AVPR1B: variants seen among roughly 807,000 people sequenced by gnomAD.
The protein encoded by AVPR1B is vasopressin V1b receptor.
A neutral mutation model predicts 27.5 loss-of-function variants in AVPR1B; 25 were observed. That is an observed-to-expected ratio of 0.91 (90% CI 0.66 to 1.27). The LOEUF (loss-of-function observed/expected upper bound fraction) is 1.27. Among genes scored for constraint, AVPR1B ranks in the 50% most tolerant of loss-of-function variants. The probability of loss-of-function intolerance (pLI) is 0.00; values close to 1 mark genes in which losing one functional copy is unlikely to be tolerated. For synonymous variants in AVPR1B, 248 were observed against 240.2 expected (o/e 1.03, Z -0.30); for missense variants, 595 against 556.9 (o/e 1.07, Z -0.69).
Position 206,116,660 on chromosome 1 carries a change from G to A in AVPR1B, c.231C>T (p.Ala77=), listed in dbSNP as rs1320844595. 1.2e-6 allele frequency: 2 copies of A among 1,611,864 alleles called. No homozygotes were observed. Among genetic ancestry groups the A allele is most frequent in the Non-Finnish European group, 1.7e-6 (2 of 1,178,900 alleles). ...AGAGCGCCACGGCCAGGTCTGTCAGGGCTAAGTGCAGCACGAACAGGTGCA... is the reference window on the plus strand; with the variant it reads ...AGAGCGCCACGGCCAGGTCTGTCAGAGCTAAGTGCAGCACGAACAGGTGCA... The part of the protein sequence containing the change: ...SRMHLFVLHL[A]LTDLAVALFQ... Residue 77 remains alanine, a synonymous_variant, in exon 1 of 2, where the codon GCC becomes GCT. Transcript: ENST00000367126.
rs781919125 is a variant in AVPR1B at position 206,116,071 on chromosome 1, G to C, written c.820C>G (p.Arg274Gly). ...SRVSSINTIS[R>G]AKIRTVKMTF... is the part of the protein sequence containing the mutation. ...ATCTTCACTGTTCGGATCTTGGCCC[G>C]TGAGATGGTGTTGATGCTGCTGACC... Residue 274 changes from arginine to glycine, a missense_variant, in exon 1 of 2, where the codon CGG becomes GGG. Transcript: ENST00000367126. 2 of 1,614,238 alleles carry C rather than the reference G, an allele frequency of 1.2e-6. No homozygotes were observed. The highest frequency in any genetic ancestry group is 1.7e-6 in the Non-Finnish European group (2 of 1,180,048).
At chr1:206,111,394 AG>A (rs1396328376) in intron 1 of AVPR1B, among the ~76,000 whole-genome samples, 1 of 152,252 alleles carries the variant, frequency 6.6e-6, no homozygotes, top group East Asian at 1.9e-4. Flanking sequence ...GAAAGCTGCT[AG>A]GATGAGCTTT....
rs564669288 is a variant in AVPR1B at position 206,108,570 on chromosome 1, C to T, written c.*1619G>A. 7.2e-5 allele frequency among the ~76,000 whole-genome samples: 11 copies of T among 152,326 alleles called. No homozygotes were observed. Among genetic ancestry groups the T allele is most frequent in the Admixed American group, 2.0e-4 (3 of 15,302 alleles). On this transcript the variant is annotated 3_prime_UTR_variant, in exon 2 of 2. Transcript: ENST00000367126. ...TCTTAATTAGATTAGTAATTCCTTACGTTAGTATAGAGCTCATGACTTTAC... is the reference window on the plus strand; with the variant it reads ...TCTTAATTAGATTAGTAATTCCTTATGTTAGTATAGAGCTCATGACTTTAC...
At chr1:206,115,267 A>T (rs145641178) in intron 1 of AVPR1B, among the ~76,000 whole-genome samples, 2 of 151,950 alleles carry the variant, frequency 1.3e-5, no homozygotes, top group Non-Finnish European at 2.9e-5. Flanking sequence ...GGCCCAAAGT[A>T]CACCAAACTG....
At chr1:206,114,281 G>T (rs781862082) in intron 1 of AVPR1B, among the ~76,000 whole-genome samples, 8 of 152,162 alleles carry the variant, frequency 5.3e-5, no homozygotes, top group Non-Finnish European at 8.8e-5. Flanking sequence ...AGCTTCCAGA[G>T]GAACCTGTGC....
In AVPR1B at chr1:206,112,906, G is replaced by T. The variant is rs571725019; in HGVS notation, c.941-2383C>A. On this transcript the variant is annotated intron_variant, in intron 1 of 1. Transcript: ENST00000367126. ...ACAATGCAAATGGACTAACACAAGGGACAAGCCCCCAAAACAAGCTCAGCC... is the reference window on the plus strand; with the variant it reads ...ACAATGCAAATGGACTAACACAAGGTACAAGCCCCCAAAACAAGCTCAGCC... Among the ~76,000 whole-genome samples, 3 of 152,278 alleles carry T rather than the reference G, an allele frequency of 2.0e-5. No homozygotes were observed. In the South Asian group the frequency reaches 6.2e-4, roughly 32 times the overall value.
intron 1 of AVPR1B, among the ~76,000 whole-genome samples, chr1:206,114,030 G>T (rs1663421938): frequency 6.6e-6 from 1 of 152,176 alleles, no homozygotes; most frequent in African/African-American, 2.4e-5. Flanking sequence ...GATGTCAAAA[G>T]GGCGATTAAG....
At chr1:206,110,589 G>A (rs1663360671) in intron 1 of AVPR1B, 66 bp from the exon 2 acceptor site, 3 of 1,380,354 alleles carry the variant, frequency 2.2e-6, no homozygotes, top group African/African-American at 1.4e-5. Flanking sequence ...GAGCGTCCAG[G>A]CCCCACAGAT....
rs782167045 is a variant in AVPR1B, at chr1:206,116,325, T to C, written c.566A>G (p.Asp189Gly). 6.8e-6 allele frequency: 11 copies of C among 1,613,504 alleles called. No individual in the cohort carries two copies. The highest frequency in any genetic ancestry group is 1.3e-5 in the African/African-American group (1 of 75,032). The change falls in exon 1 of 2, where the codon GAC becomes GGC. Residue 189 changes from aspartate to glycine, a missense_variant. Coordinates refer to ENST00000367126, the MANE Select transcript of AVPR1B (RefSeq NM_000707.5). The stretch of plus-strand genomic sequence containing the variant: ...CCGTGGCCCCCAAGGGAAGCCGAAG[T>C]CTGCCCAGCAGTCCAGCACCCCTGA... ...QGSGVLDCWA[D>G]FGFPWGPRAY...
Position 206,116,645 on chromosome 1 carries a change from G to A in AVPR1B, c.246C>T (p.Ala82=), listed in dbSNP as rs782225488. ...FVLHLALTDL[A]VALFQVLPQL... ...GTGGCAGCACCTGGAAGAGCGCCACGGCCAGGTCTGTCAGGGCTAAGTGCA... is the reference window on the plus strand; with the variant it reads ...GTGGCAGCACCTGGAAGAGCGCCACAGCCAGGTCTGTCAGGGCTAAGTGCA... Residue 82 remains alanine (A), a synonymous_variant, in exon 1 of 2, where the codon GCC becomes GCT. Coordinates refer to ENST00000367126, the MANE Select transcript of AVPR1B (RefSeq NM_000707.5). 4.0e-5 allele frequency: 64 copies of A among 1,613,034 alleles called. No homozygotes were observed. The highest frequency in any genetic ancestry group is 1.6e-4 in the Middle Eastern group (1 of 6,082).
Position 206,117,071 on chromosome 1 carries a change from G to A in AVPR1B, c.-181C>T. On this transcript the variant is annotated 5_prime_UTR_variant, in exon 1 of 2. Coordinates refer to ENST00000367126, the MANE Select transcript of AVPR1B (RefSeq NM_000707.5). ...GGACTGGGATAGAGAGGAGGAGGGA[G>A]GATGAGATTCGGAAGGAGAAAATGT... 1.5e-6 allele frequency: 1 copy of A among 674,596 alleles called. No individual in the cohort carries two copies. The highest frequency in any genetic ancestry group is 2.6e-6 in the Non-Finnish European group (1 of 383,324). The allele number at this position is 674,596 out of a possible 1,614,324, so 41.8% of individuals were successfully genotyped here. A position where few individuals can be genotyped will look rare whatever the true frequency, so the allele number is the denominator to read the frequency against.
At chr1:206,112,387 T>C (rs1441396507) in intron 1 of AVPR1B, among the ~76,000 whole-genome samples, 1 of 152,160 alleles carries the variant, frequency 6.6e-6, no homozygotes, top group Non-Finnish European at 1.5e-5. Flanking sequence ...TCTTGTCCTT[T>C]CTCACCATGT....
chr1:206,110,282 G>A lies in AVPR1B; in HGVS notation c.1182C>T (p.Ser394=), dbSNP rs782416730. ...GCCTGGGCCTCCCACTGAGGGTTAG[G>A]CTGAGGCTGAGGCTGAGGGTGGCCG... is the stretch of plus-strand genomic sequence containing the variant. ...SCPATLSLSL[S]LTLSGRPRPE... Residue 394 remains serine, a synonymous_variant, in exon 2 of 2, where the codon AGC becomes AGT. Coordinates refer to ENST00000367126, the MANE Select transcript of AVPR1B (RefSeq NM_000707.5). 3 of 1,613,886 alleles carry A rather than the reference G, an allele frequency of 1.9e-6. No homozygotes were observed. The highest frequency in any genetic ancestry group is 2.2e-5 in the South Asian group (2 of 91,064).
At chr1:206,115,802 C>T (rs1663453457) in intron 1 of AVPR1B, 149 bp downstream of exon 1, 4 of 694,550 alleles carry the variant, frequency 5.8e-6, no homozygotes, top group South Asian at 2.8e-5. Flanking sequence ...ATAACTGCCC[C>T]TTTTCACTTG....
rs782506853 is a variant in AVPR1B, at chr1:206,110,316, G to C, written c.1148C>G (p.Ser383Cys). The change falls in exon 2 of 2, where the codon TCC (serine) becomes TGC (cysteine). Residue 383 changes from serine (S) to cysteine (C), a missense_variant. By Grantham distance (112) the Ser-to-Cys change is moderately radical. Transcript: ENST00000367126. ...GAGGCTGAGGGTGGCCGGGCAGCTG[G>C]AGCGGGTCAGCAGCGTGGTGTGGCG... Reference protein sequence around the residue: ...SSRHTTLLTRSSCPATLSLSL... With the variant: ...SSRHTTLLTRCSCPATLSLSL... 1 of 1,613,342 alleles carries C rather than the reference G, an allele frequency of 6.2e-7. No individual in the cohort carries two copies. The highest frequency in any genetic ancestry group is 1.3e-5 in the African/African-American group (1 of 74,936).
chr1:206,114,967 GC>G (rs1553290288), intron 1 of AVPR1B, among the ~76,000 whole-genome samples: 1 of 152,140 alleles, frequency 6.6e-6, no homozygotes, highest in East Asian at 1.9e-4. Flanking sequence ...TGAGTCAAGA[GC>G]CCCCATGGTT....
Position 206,116,980 on chromosome 1 carries a change from G to A in AVPR1B, c.-90C>T. On this transcript the variant is annotated 5_prime_UTR_variant, in exon 1 of 2. Transcript: ENST00000367126. ...GATAAAATGGAGTGGCAGGGGAGGTGGAGAGAAAGGAGAAGCGTTGAGAAT... is the reference window on the plus strand; with the variant it reads ...GATAAAATGGAGTGGCAGGGGAGGTAGAGAGAAAGGAGAAGCGTTGAGAAT... The A allele has an allele frequency of 3.4e-6, 4 of 1,189,130 alleles. No individual in the cohort carries two copies. The highest frequency in any genetic ancestry group is 4.8e-6 in the Non-Finnish European group (4 of 832,574). The allele number at this position is 1,189,130 out of a possible 1,614,324, so 73.7% of individuals were successfully genotyped here.
rs1244069319 is a variant in AVPR1B, at chr1:206,108,802, C to G, written c.*1387G>C. On this transcript the variant is annotated 3_prime_UTR_variant, in exon 2 of 2. Transcript: ENST00000367126. ...GGGGAAGCTATGCCATGATAAAAGT[C>G]CCCTGGAGATAATGAGCATGTGCCA... is the stretch of plus-strand genomic sequence containing the variant. Among the ~76,000 whole-genome samples the G allele has an allele frequency of 3.9e-5, 6 of 152,174 alleles. No homozygotes were observed. Among genetic ancestry groups the G allele is most frequent in the Non-Finnish European group, 8.8e-5 (6 of 68,028 alleles).
rs1663326054 is a variant in AVPR1B, at chr1:206,109,066, G to A, written c.*1123C>T. Among the ~76,000 whole-genome samples, 1 of 152,234 alleles carries A rather than the reference G, an allele frequency of 6.6e-6. No homozygotes were observed. The highest frequency in any genetic ancestry group is 1.5e-5 in the Non-Finnish European group (1 of 68,034). ...GTAACACCATTTCCAGTATTGCAGAGTCATGGAAGGTTGGAGTTTAGAGAT... is the reference window on the plus strand; with the variant it reads ...GTAACACCATTTCCAGTATTGCAGAATCATGGAAGGTTGGAGTTTAGAGAT... On this transcript the variant is annotated 3_prime_UTR_variant, in exon 2 of 2. Coordinates refer to ENST00000367126, the MANE Select transcript of AVPR1B (RefSeq NM_000707.5).
Sources: gnomAD v4.1 joint callset for allele counts (sites outside exome capture counted in the v4.1 genomes callset) on GRCh38, gnomAD v4.1.1 for gene constraint, MANE v1.5 for transcripts, NCBI Gene and HGNC (gene_info 2026-07-23, HGNC 2026-07-21) for gene names.